The following SVEP1 variants were observed in gnomAD, a reference collection of about 807,000 sequenced individuals.
SVEP1 encodes the protein sushi, von Willebrand factor type A, EGF and pentraxin domain-containing protein 1.
Under a neutral mutation model 367.3 loss-of-function variants are expected in SVEP1, and 164 were observed. That is an observed-to-expected ratio of 0.45 (90% CI 0.39 to 0.51). SVEP1 has a LOEUF of 0.51. SVEP1 is among the 20% of genes least tolerant of loss of function. The pLI is 0.00. For missense variants in SVEP1, 4,117 were observed against 4,425.3 expected (o/e 0.93, Z 1.98); for synonymous variants, 1,666 against 1,611.6 (o/e 1.03, Z -0.81).
chr9:110,384,321 C>T (rs1178616092), intron 43 of SVEP1, among the ~76,000 whole-genome samples: 1 of 151,530 alleles, frequency 6.6e-6, no homozygotes, highest in Non-Finnish European at 1.5e-5. Flanking sequence ...GTTGTACCAC[C>T]TTGCTTTTTC....
intron 14 of SVEP1, among the ~76,000 whole-genome samples, chr9:110,474,335 T>A (rs1409118261): frequency 6.6e-6 from 1 of 152,160 alleles, no homozygotes; most frequent in Non-Finnish European, 1.5e-5. Context: ...TATTATGAAG[T>A]CAACTTGATT....
At chr9:110,484,051 T>A (rs1484480721) in intron 9 of SVEP1, among the ~76,000 whole-genome samples, 1 of 152,144 alleles carries the variant, frequency 6.6e-6, no homozygotes, top group Non-Finnish European at 1.5e-5. Flanking sequence ...CCAGACAAGC[T>A]GAAGGAATGA....
At chr9:110,396,842 C>T (rs1288152639) in intron 40 of SVEP1, among the ~76,000 whole-genome samples, 1 of 152,116 alleles carries the variant, frequency 6.6e-6, no homozygotes, top group Non-Finnish European at 1.5e-5. Flanking sequence ...GAAATTGAGG[C>T]AATAATCAAT....
intron 41 of SVEP1, among the ~76,000 whole-genome samples, chr9:110,388,173 C>A (rs1370883222): frequency 1.3e-5 from 2 of 150,884 alleles, no homozygotes; most frequent in African/African-American, 4.8e-5. Context: ...GAACAGGGAC[C>A]CAAGAGCTTG....
At position 110,447,824 on chromosome 9, in the gene SVEP1, T is replaced by C. The variant is rs571352494; in HGVS notation, c.4104-767A>G. On this transcript the variant is annotated intron_variant, in intron 24 of 47. Transcript: ENST00000374469. ...ATAGCAGGATCATTCTAAATGTCTA[T>C]GGAGAGGAGAATGAGAAAATGAATC... Among the ~76,000 whole-genome samples the C allele has an allele frequency of 1.3e-4, 20 of 152,262 alleles. No individual in the cohort carries two copies. The South Asian group carries it at 3.5e-3, about 27-fold the overall frequency.
At position 110,572,050 on chromosome 9, in the gene SVEP1, A is replaced by G. The variant is rs1228468304; in HGVS notation, c.531+6963T>C. Among the ~76,000 whole-genome samples the G allele has an allele frequency of 2.0e-5, 3 of 152,154 alleles. 1 individual carries two copies. The highest frequency in any genetic ancestry group is 2.0e-4 in the Admixed American group (3 of 15,280). ...GTGTAACAGTTTAGCAACACTGGAC[A>G]TGGAATCCCCTACTTCTCCTTAGCT... On this transcript the variant is annotated intron_variant, in intron 1 of 47. Transcript: ENST00000374469.
At chr9:110,415,044 C>T (rs4475572) in intron 36 of SVEP1, among the ~76,000 whole-genome samples, 19,342 of 151,942 alleles carry the variant, frequency 0.13, 1,656 homozygotes, top group South Asian at 0.23. Context: ...TGACCACTTA[C>T]GTATTTGAGC....
chr9:110,455,874 C>T (rs1828769495), intron 21 of SVEP1, among the ~76,000 whole-genome samples, 171 bp from the exon 22 acceptor site: 1 of 152,080 alleles, frequency 6.6e-6, no homozygotes, highest in Admixed American at 6.5e-5. Flanking sequence ...GAAGGTAATA[C>T]CTCTTTCTAA....
intron 6 of SVEP1, among the ~76,000 whole-genome samples, chr9:110,501,112 T>A (rs1829522531): frequency 1.4e-5 from 2 of 147,952 alleles, no homozygotes; most frequent in South Asian, 4.2e-4. Context: ...TATACATATA[T>A]AAATTATAAA....
intron 40 of SVEP1, among the ~76,000 whole-genome samples, chr9:110,392,133 T>TTATA (rs35109985): frequency 0.1 from 10,194 of 99,240 alleles, 664 homozygotes; most frequent in African/African-American, 0.13. Context: ...CAATTCCTCA[T>TTATA]TATATATATA....
chr9:110,444,403 C>A (rs768614396), intron 26 of SVEP1, among the ~76,000 whole-genome samples: 1 of 152,140 alleles, frequency 6.6e-6, no homozygotes, highest in African/African-American at 2.4e-5. Flanking sequence ...GATCTTGAAG[C>A]CTCCAGAACT....
chr9:110,572,121 A>AG (rs79772277), intron 1 of SVEP1, among the ~76,000 whole-genome samples: 112,609 of 152,080 alleles, frequency 0.74, 42,081 homozygotes, highest in East Asian at 1. Flanking sequence ...ATAGGAAAAG[A>AG]GGGGCACAAA....
Position 110,457,392 on chromosome 9 carries a change from T to C in SVEP1, c.3577-40A>G, listed in dbSNP as rs1409092686. 4.1e-6 allele frequency: 6 copies of C among 1,471,396 alleles called. No individual in the cohort carries two copies. In the African/African-American group the frequency reaches 8.4e-5, roughly 21 times the overall value. 91.1% of individuals were successfully genotyped at this position (1,471,396 alleles called of 1,614,324 possible). Reference sequence around the variant, plus strand: ...AAAAAATCAATCAGAGACAAAGCACTCTATTTATTTCAAAGCAGTCCTGAT... The same window carrying C: ...AAAAAATCAATCAGAGACAAAGCACCCTATTTATTTCAAAGCAGTCCTGAT... On this transcript the variant is annotated intron_variant, in intron 20 of 47. Transcript: ENST00000374469.
At chr9:110,430,133 T>TGG in intron 33 of SVEP1, 129 bp from the exon 34 acceptor site, 1 of 1,121,984 alleles carries the variant, frequency 8.9e-7, no homozygotes, top group Non-Finnish European at 1.2e-6. Context: ...GGTGTGTGTG[T>TGG]GTGGGGTCAT....
chr9:110,576,433 T>C (rs961705552), intron 1 of SVEP1, among the ~76,000 whole-genome samples: 2 of 152,182 alleles, frequency 1.3e-5, no homozygotes, highest in Admixed American at 6.5e-5. Context: ...ATAATATATG[T>C]ATGAAAACAT....
chr9:110,467,636 CTTTT>C (rs11366981), intron 17 of SVEP1, among the ~76,000 whole-genome samples: 5 of 133,932 alleles, frequency 3.7e-5, no homozygotes, highest in Non-Finnish European at 3.2e-5. Context: ...GTCTTTTTTA[CTTTT>C]TTTTTTTTTT....
intron 27 of SVEP1, among the ~76,000 whole-genome samples, chr9:110,438,652 T>C (rs1373473454): frequency 2.6e-5 from 4 of 152,348 alleles, no homozygotes; most frequent in African/African-American, 4.8e-5. Context: ...TACATAATTA[T>C]ACGTATGTTT....
At chr9:110,391,925 G>A (rs1827661579) in intron 40 of SVEP1, among the ~76,000 whole-genome samples, 1 of 151,938 alleles carries the variant, frequency 6.6e-6, no homozygotes, top group Non-Finnish European at 1.5e-5. Flanking sequence ...AACATGGAAG[G>A]AGGAAATGGC....
chr9:110,544,499 A>G (rs996398035), intron 3 of SVEP1, among the ~76,000 whole-genome samples: 2 of 152,204 alleles, frequency 1.3e-5, no homozygotes, highest in African/African-American at 4.8e-5. Context: ...TTAAAATATA[A>G]TGTAGAGCAC....
Sources: allele counts gnomAD v4.1 joint callset (sites outside exome capture counted in the v4.1 genomes callset), GRCh38; gene constraint gnomAD v4.1.1; transcripts MANE v1.5; gene names NCBI Gene and HGNC (gene_info 2026-07-23, HGNC 2026-07-21).